KCND2: variants seen among roughly 807,000 people sequenced by gnomAD.
KCND2 encodes potassium voltage-gated channel subfamily D member 2.
A neutral mutation model predicts 54.4 loss-of-function variants in KCND2; 16 were observed. That is an observed-to-expected ratio of 0.29 (90% confidence interval 0.20 to 0.45). KCND2 has a LOEUF of 0.45. KCND2 is among the 20% of genes least tolerant of loss of function. The pLI, the probability that KCND2 is intolerant of heterozygous loss-of-function variation, is 1.00. For missense variants in KCND2, 486 were observed against 824.2 expected (o/e 0.59, Z 5.02); for synonymous variants, 317 against 310.7 (o/e 1.02, Z -0.21).
rs184083609 is a variant in KCND2 at position 120,330,545 on chromosome 7, C to T, written c.1115+54798C>T. Among the ~76,000 whole-genome samples the T allele has an allele frequency of 5.9e-3, 802 of 135,726 alleles. 7 individuals are homozygous for T. The highest frequency in any genetic ancestry group is 9.6e-3 in the Non-Finnish European group (622 of 64,996). 89.0% of individuals were successfully genotyped at this position (135,726 alleles called of 152,430 possible). A position where few individuals can be genotyped will look rare whatever the true frequency, so the allele number is the denominator to read the frequency against. ...TCAGTGAGCTGAGATTGTGCCACTG[C>T]ACTCCAGCCTGGGTGACAAGAGCAA... On this transcript the variant is annotated intron_variant, in intron 1 of 5. Coordinates refer to ENST00000331113, the MANE Select transcript of KCND2 (RefSeq NM_012281.3).
intron 1 of KCND2, among the ~76,000 whole-genome samples, chr7:120,388,788 A>G (rs1210049145): frequency 3.3e-5 from 5 of 151,918 alleles, no homozygotes; most frequent in Admixed American, 1.3e-4. Flanking sequence ...ATAAATTAAT[A>G]TAATCCTGCT....
intron 1 of KCND2, among the ~76,000 whole-genome samples, chr7:120,308,906 A>G (rs1799687583): frequency 1.3e-5 from 2 of 152,242 alleles, no homozygotes; most frequent in African/African-American, 4.8e-5. Context: ...TATTAAACTA[A>G]AAGCAAATGA....
intron 1 of KCND2, among the ~76,000 whole-genome samples, chr7:120,381,964 G>C (rs55713335): frequency 0.1 from 15,578 of 150,816 alleles, 891 homozygotes; most frequent in Admixed American, 0.13. Context: ...TTTGTATTTA[G>C]AGAGATAAGA....
chr7:120,633,895 A>T (rs529269564), intron 1 of KCND2, among the ~76,000 whole-genome samples: 1 of 152,310 alleles, frequency 6.6e-6, no homozygotes, highest in South Asian at 2.1e-4. Flanking sequence ...GAATATATAC[A>T]ATTTTAAGTT....
At chr7:120,728,789 A>G (rs1363948635) in intron 1 of KCND2, among the ~76,000 whole-genome samples, 3 of 152,116 alleles carry the variant, frequency 2.0e-5, no homozygotes, top group South Asian at 4.1e-4. Flanking sequence ...CTAAAGAAAA[A>G]CAGAAAGAAT....
chr7:120,609,232 T>C (rs963471976), intron 1 of KCND2, among the ~76,000 whole-genome samples: 3 of 152,108 alleles, frequency 2.0e-5, no homozygotes, highest in African/African-American at 7.2e-5. Context: ...GGTCATATAA[T>C]TTAAAAAGCT....
intron 1 of KCND2, among the ~76,000 whole-genome samples, chr7:120,399,659 A>G (rs751055197): frequency 8.6e-5 from 13 of 151,772 alleles, no homozygotes; most frequent in Non-Finnish European, 1.9e-4. Flanking sequence ...ATTTTCATAT[A>G]TATTTATCCA....
At chr7:120,682,256 A>G (rs891433796) in intron 1 of KCND2, among the ~76,000 whole-genome samples, 1 of 151,986 alleles carries the variant, frequency 6.6e-6, no homozygotes, top group Non-Finnish European at 1.5e-5. Context: ...TCTCTCAGGG[A>G]TGTATGGAAG....
At chr7:120,631,779 G>C (rs567556067) in intron 1 of KCND2, among the ~76,000 whole-genome samples, 2 of 152,036 alleles carry the variant, frequency 1.3e-5, no homozygotes, top group Non-Finnish European at 2.9e-5. Flanking sequence ...AGTACAAATA[G>C]TTCATTGTTT....
At chr7:120,372,406 A>G (rs1404405967) in intron 1 of KCND2, among the ~76,000 whole-genome samples, 1 of 151,914 alleles carries the variant, frequency 6.6e-6, no homozygotes, top group East Asian at 1.9e-4. Context: ...ATTTAATATT[A>G]CAGCTGTTAG....
intron 1 of KCND2, among the ~76,000 whole-genome samples, chr7:120,292,745 A>G (rs1400289930): frequency 1.3e-5 from 2 of 151,908 alleles, no homozygotes; most frequent in African/African-American, 4.8e-5. Context: ...AAGAGGTTAA[A>G]CTGAAATTGT....
intron 1 of KCND2, among the ~76,000 whole-genome samples, chr7:120,299,523 G>A (rs1019773871): frequency 6.6e-6 from 1 of 152,074 alleles, no homozygotes; most frequent in African/African-American, 2.4e-5. Flanking sequence ...ATGAGTAATA[G>A]AAAACCTAAA....
At chr7:120,401,658 C>T (rs886235713) in intron 1 of KCND2, among the ~76,000 whole-genome samples, 2 of 152,124 alleles carry the variant, frequency 1.3e-5, no homozygotes, top group African/African-American at 4.8e-5. Flanking sequence ...CTCTTCCCCC[C>T]ATCTTTAGCC....
intron 1 of KCND2, among the ~76,000 whole-genome samples, chr7:120,349,686 A>G (rs1308884777): frequency 6.6e-6 from 1 of 152,184 alleles, no homozygotes; most frequent in Non-Finnish European, 1.5e-5. Flanking sequence ...TTCATTACAC[A>G]AATGTTTTTT....
rs1562883146 is a variant in KCND2 at position 120,595,463 on chromosome 7, AT to A, written c.1116-137439del. On this transcript the variant is annotated intron_variant, in intron 1 of 5. Coordinates refer to ENST00000331113, the MANE Select transcript of KCND2 (RefSeq NM_012281.3). ...GAGACTGTGCCACCAAAAAAAAAAT[AT>A]ATATATATATATATATGTGTATATA... Among the ~76,000 whole-genome samples the A allele has an allele frequency of 5.2e-3, 592 of 112,808 alleles. 7 individuals carry two copies. The highest frequency in any genetic ancestry group is 0.026 in the African/African-American group (549 of 21,124). The allele number at this position is 112,808 out of a possible 152,430, so 74.0% of individuals were successfully genotyped here.
At chr7:120,548,616 C>G (rs1792071123) in intron 1 of KCND2, among the ~76,000 whole-genome samples, 1 of 152,102 alleles carries the variant, frequency 6.6e-6, no homozygotes, top group African/African-American at 2.4e-5. Flanking sequence ...CGACAGTACC[C>G]AGCAGTACAA....
At chr7:120,512,464 T>G (rs1803131126) in intron 1 of KCND2, among the ~76,000 whole-genome samples, 2 of 151,946 alleles carry the variant, frequency 1.3e-5, no homozygotes, top group South Asian at 4.1e-4. Flanking sequence ...TAGCATCACA[T>G]CAACTTCTCC....
chr7:120,739,163 GTA>G (rs1792909933), intron 2 of KCND2, among the ~76,000 whole-genome samples: 1 of 151,880 alleles, frequency 6.6e-6, no homozygotes, highest in Non-Finnish European at 1.5e-5. Context: ...TTTGGTTAAT[GTA>G]TATGTTTTCT....
At chr7:120,742,698 T>C in intron 4 of KCND2, 96 bp downstream of exon 4, 2 of 931,686 alleles carry the variant, frequency 2.1e-6, no homozygotes, top group Admixed American at 1.7e-5. Flanking sequence ...TTTCACTGTC[T>C]GCATTACTGG....
Sources: gnomAD v4.1 joint callset for allele counts (sites outside exome capture counted in the v4.1 genomes callset) on GRCh38, gnomAD v4.1.1 for gene constraint, MANE v1.5 for transcripts, NCBI Gene and HGNC (gene_info 2026-07-23, HGNC 2026-07-21) for gene names.